NEDD4: variants seen among roughly 807,000 people sequenced by gnomAD.
The protein encoded by NEDD4 is E3 ubiquitin-protein ligase NEDD4.
NEDD4 carries 99 observed loss-of-function variants against 144.9 expected under a neutral mutation model. That is an observed-to-expected ratio of 0.68 (90% CI 0.58 to 0.81). The LOEUF (loss-of-function observed/expected upper bound fraction) is 0.81. NEDD4 is among the 30% of genes least tolerant of loss of function. NEDD4 has a pLI of 0.00. For synonymous variants in NEDD4, 318 were observed against 350.6 expected (o/e 0.91, Z 1.04); for missense variants, 985 against 1,065.9 (o/e 0.92, Z 1.06).
chr15:55,947,410 G>T (rs1006330620), intron 4 of NEDD4, among the ~76,000 whole-genome samples: 45 of 152,004 alleles, frequency 3.0e-4, no homozygotes, highest in Admixed American at 3.0e-3. Flanking sequence ...AACTAGAAAA[G>T]CTAGAAGAAA....
chr15:55,899,384 G>A (rs765313212), intron 5 of NEDD4, among the ~76,000 whole-genome samples: 1 of 152,150 alleles, frequency 6.6e-6, no homozygotes, highest in Non-Finnish European at 1.5e-5. Flanking sequence ...AAGTTTAGCT[G>A]ATCTATAAAC....
chr15:55,968,310 T>A (rs1220881728), intron 1 of NEDD4, among the ~76,000 whole-genome samples: 2 of 152,118 alleles, frequency 1.3e-5, no homozygotes, highest in Non-Finnish European at 2.9e-5. Flanking sequence ...AAAGTTCATT[T>A]AAAATTTTAG....
chr15:55,842,379 ACTT>A (rs1213217659), intron 18 of NEDD4, among the ~76,000 whole-genome samples: 4 of 152,082 alleles, frequency 2.6e-5, no homozygotes, highest in East Asian at 3.9e-4. Context: ...AGTAATATAG[ACTT>A]CTTTACATCT....
At chr15:55,842,569 G>A (rs371779979) in intron 18 of NEDD4, among the ~76,000 whole-genome samples, 1 of 152,050 alleles carries the variant, frequency 6.6e-6, no homozygotes, top group African/African-American at 2.4e-5. Flanking sequence ...AAGTTTTTGA[G>A]GTCTTGCCAT....
chr15:55,959,379 A>G (rs2142317185), intron 2 of NEDD4, among the ~76,000 whole-genome samples: 1 of 152,272 alleles, frequency 6.6e-6, no homozygotes, highest in East Asian at 1.9e-4. Flanking sequence ...TATGATTTCA[A>G]TCTTTTGAAA....
intron 5 of NEDD4, chr15:55,905,179 G>GT (rs1290725977): frequency 2.5e-6 from 1 of 402,562 alleles, no homozygotes; most frequent in Non-Finnish European, 4.9e-6. Flanking sequence ...TAAGAATTCT[G>GT]TAAGTAAATA....
intron 5 of NEDD4, among the ~76,000 whole-genome samples, chr15:55,906,669 T>C (rs2142176131): frequency 6.6e-6 from 1 of 152,230 alleles, no homozygotes; most frequent in South Asian, 2.1e-4. Flanking sequence ...CATTAGGTGA[T>C]ATACTTAATG....
intron 4 of NEDD4, among the ~76,000 whole-genome samples, chr15:55,939,926 A>T (rs1234166246): frequency 6.6e-6 from 1 of 152,204 alleles, no homozygotes; most frequent in Non-Finnish European, 1.5e-5. Flanking sequence ...CACGTTCATT[A>T]CAGCATTATT....
At chr15:55,971,289 C>G (rs1039775498) in intron 1 of NEDD4, among the ~76,000 whole-genome samples, 4 of 152,074 alleles carry the variant, frequency 2.6e-5, no homozygotes, top group African/African-American at 9.7e-5. Context: ...AGTAACAAAG[C>G]ATGCCTACAG....
At chr15:55,925,960 G>A (rs540738656) in intron 4 of NEDD4, among the ~76,000 whole-genome samples, 2 of 150,510 alleles carry the variant, frequency 1.3e-5, no homozygotes, top group South Asian at 4.2e-4. Context: ...GTATCATACA[G>A]TATGTATATG....
At chr15:55,977,088 A>G (rs745898704) in intron 1 of NEDD4, among the ~76,000 whole-genome samples, 1 of 152,202 alleles carries the variant, frequency 6.6e-6, no homozygotes, top group Non-Finnish European at 1.5e-5. Context: ...TATGCATATC[A>G]TAGATTATTT....
chr15:55,912,778 T>C (rs866704884), intron 5 of NEDD4, among the ~76,000 whole-genome samples: 2 of 152,170 alleles, frequency 1.3e-5, no homozygotes, highest in Non-Finnish European at 2.9e-5. Context: ...CAAGTATTTA[T>C]TTTCAGATCA....
intron 4 of NEDD4, among the ~76,000 whole-genome samples, chr15:55,940,601 C>T (rs570147812): frequency 2.0e-4 from 30 of 148,900 alleles, no homozygotes; most frequent in African/African-American, 6.2e-4. Flanking sequence ...ATGTTGCCCA[C>T]GGTATCCTCG....
intron 5 of NEDD4, among the ~76,000 whole-genome samples, chr15:55,877,730 G>A (rs2035042544): frequency 1.3e-5 from 2 of 151,708 alleles, no homozygotes; most frequent in South Asian, 4.2e-4. Context: ...TTATTATTCT[G>A]CTTAAGCAAA....
At chr15:55,907,932 C>A (rs1050167957) in intron 5 of NEDD4, among the ~76,000 whole-genome samples, 5 of 152,200 alleles carry the variant, frequency 3.3e-5, no homozygotes, top group African/African-American at 9.6e-5. Flanking sequence ...TCAGACTCCA[C>A]TGTGGAAACT....
intron 5 of NEDD4, among the ~76,000 whole-genome samples, chr15:55,896,404 G>A (rs181728083): frequency 8.1e-4 from 123 of 152,058 alleles, no homozygotes; most frequent in African/African-American, 2.6e-3. Flanking sequence ...GGCTGGTCTC[G>A]AACTCCTGGC....
chr15:55,879,861 A>G (rs1393069922), intron 5 of NEDD4, among the ~76,000 whole-genome samples: 1 of 152,244 alleles, frequency 6.6e-6, no homozygotes, highest in African/African-American at 2.4e-5. Flanking sequence ...TTCTTCAAAT[A>G]AGGAAATTAC....
intron 5 of NEDD4, among the ~76,000 whole-genome samples, chr15:55,896,428 C>A (rs116566513): frequency 1.4e-3 from 214 of 152,304 alleles, no homozygotes; most frequent in African/African-American, 4.8e-3. Context: ...AAGGGATGCA[C>A]CTGCCTTGGC....
chr15:55,862,946 G>C lies in NEDD4; in HGVS notation c.641C>G (p.Ser214Cys). 1 of 1,609,864 alleles carries C rather than the reference G, an allele frequency of 6.2e-7. No homozygotes were observed. Among genetic ancestry groups the C allele is most frequent in the Non-Finnish European group, 8.5e-7 (1 of 1,177,232 alleles). Residue 214 changes from serine (S) to cysteine (C), a missense_variant, in exon 9 of 29, where the codon TCT (serine) becomes TGT (cysteine). Coordinates refer to ENST00000435532, the MANE Select transcript of NEDD4 (RefSeq NM_006154.4). ...LGRTYYVNHE[S>C]RRTQWKRPTP... ...TGGTCTTTTCCACTGTGTTCTTCTA[G>C]ATTCATGGTTTACATAATAGGTCCT...
Sources: gnomAD v4.1 joint callset for allele counts (sites outside exome capture counted in the v4.1 genomes callset) on GRCh38, gnomAD v4.1.1 for gene constraint, MANE v1.5 for transcripts, NCBI Gene and HGNC (gene_info 2026-07-23, HGNC 2026-07-21) for gene names.